The following AFDN variants were observed in gnomAD, a reference collection of about 807,000 sequenced individuals.
AFDN encodes the protein afadin, adherens junction formation factor.
In AFDN, 68 loss-of-function variants were observed where a neutral mutation model predicts 216.6. That is an observed-to-expected ratio of 0.31 (90% confidence interval 0.26 to 0.38). The LOEUF (loss-of-function observed/expected upper bound fraction) is 0.38, where lower values mean the gene tolerates loss of function less well. Ranked by LOEUF, AFDN falls within the 10% of genes least tolerant of loss-of-function variation. The pLI is 1.00. For missense variants in AFDN, 2,136 were observed against 2,342.0 expected (o/e 0.91, Z 1.82); for synonymous variants, 868 against 853.7 (o/e 1.02, Z -0.29).
At chr6:167,964,958 G>A (rs775088883) in intron 31 of AFDN, 86 of 1,054,710 alleles carry the variant, frequency 8.2e-5, no homozygotes, top group Non-Finnish European at 9.3e-5. Flanking sequence ...GTCAACTGTA[G>A]TTTGTGCAGA....
At chr6:167,964,614 CTGTGTGTGTGTGTGTGTGTGTGTGTGTG>C (rs369928994) in intron 31 of AFDN, 13 of 960,086 alleles carry the variant, frequency 1.4e-5, no homozygotes, top group Admixed American at 5.9e-5. Flanking sequence ...CGTATTCACT[CTGTGTGTGTGTGTGTGTGTGTGTGTGTG>C]TGTGTGTGTG....
chr6:167,950,707 AACAC>A (rs1404941934), intron 29 of AFDN, among the ~76,000 whole-genome samples: 1 of 152,184 alleles, frequency 6.6e-6, no homozygotes, highest in Non-Finnish European at 1.5e-5. Flanking sequence ...ATTATGAATA[AACAC>A]ACTCATTGCT....
At chr6:167,876,090 G>T (rs1320637551) in intron 5 of AFDN, among the ~76,000 whole-genome samples, 2 of 152,168 alleles carry the variant, frequency 1.3e-5, no homozygotes, top group Non-Finnish European at 2.9e-5. Flanking sequence ...CACATTGAAT[G>T]CATGGTCACT....
At chr6:167,954,358 A>G (rs1054519730) in intron 30 of AFDN, 2 of 874,500 alleles carry the variant, frequency 2.3e-6, no homozygotes, top group Non-Finnish European at 3.4e-6. Flanking sequence ...ATGACGCATG[A>G]TAGTGAGAAA....
chr6:167,962,635 A>G lies in AFDN; in HGVS notation c.4968+68A>G. On this transcript the variant is annotated intron_variant, in intron 31 of 33. Transcript: ENST00000683244. This position sits in a 1 kb window ranked among gnomAD's most constrained non-coding sequence, Gnocchi z 5.2. The stretch of plus-strand genomic sequence containing the variant: ...CTGAACGTAATCGATTGGCTGGGGC[A>G]GAGCGGGCTGGAAGTTCTGTGTTTC... 1 of 1,604,454 alleles carries G rather than the reference A, an allele frequency of 6.2e-7. No homozygotes were observed. The highest frequency in any genetic ancestry group is 8.5e-7 in the Non-Finnish European group (1 of 1,172,394).
chr6:167,929,392 A>G (rs570104532), intron 23 of AFDN, among the ~76,000 whole-genome samples: 1 of 152,348 alleles, frequency 6.6e-6, no homozygotes, highest in African/African-American at 2.4e-5. Context: ...AAGGTTAGGT[A>G]CATACAGTCA....
chr6:167,968,504 T>C (rs116828474), intron 32 of AFDN: 5,286 of 152,634 alleles, frequency 0.035, 104 homozygotes, highest in African/African-American at 0.046. Context: ...GTGGCCTGTT[T>C]AATCCAATAT....
chr6:167,963,983 G>A, intron 31 of AFDN: 1 of 1,064,782 alleles, frequency 9.4e-7, no homozygotes, highest in Non-Finnish European at 1.1e-6. Context: ...GCTGGGCCCA[G>A]TCCTGGCCAC....
rs540066001 is a variant in AFDN at position 167,955,836 on chromosome 6, G to A, written c.4833+3649G>A. On this transcript the variant is annotated intron_variant, in intron 30 of 33. Coordinates refer to ENST00000683244, the MANE Select transcript of AFDN (RefSeq NM_001386888.1). ...ACCTCATTATTTATAAAATTCTTGG[G>A]TGGGCACAGTGGTTCATGCCTGTAA... Among the ~76,000 whole-genome samples the A allele has an allele frequency of 2.0e-5, 3 of 152,062 alleles. No homozygotes were observed. In the South Asian group the frequency reaches 6.2e-4, roughly 32 times the overall value.
intron 11 of AFDN, among the ~76,000 whole-genome samples, chr6:167,899,975 A>G (rs1359840498): frequency 6.6e-6 from 1 of 152,038 alleles, no homozygotes. Flanking sequence ...ACAATCTCCT[A>G]CTGTATTTTT....
At position 167,951,044 on chromosome 6, in the gene AFDN, C is replaced by T; in HGVS notation, c.3832-142C>T. ...AAATGCACTGTTACTCCACATTAGCCAATGAGCCTTGTAGGGCAGTCTCAG... is the reference window on the plus strand; with the variant it reads ...AAATGCACTGTTACTCCACATTAGCTAATGAGCCTTGTAGGGCAGTCTCAG... On this transcript the variant is annotated intron_variant, in intron 29 of 33. Transcript: ENST00000683244. This position sits in a 1 kb window ranked among gnomAD's most constrained non-coding sequence, Gnocchi z 7.1. The T allele has an allele frequency of 7.9e-7, 1 of 1,260,208 alleles. No individual in the cohort carries two copies. Among genetic ancestry groups the T allele is most frequent in the Non-Finnish European group, 1.1e-6 (1 of 952,220 alleles). The allele number at this position is 1,260,208 out of a possible 1,614,324, so 78.1% of individuals were successfully genotyped here.
intron 1 of AFDN, among the ~76,000 whole-genome samples, chr6:167,863,413 A>G (rs1339358221): frequency 5.9e-5 from 9 of 152,260 alleles, no homozygotes; most frequent in Non-Finnish European, 1.3e-4. Flanking sequence ...GAAAGGCTTC[A>G]TTCAGTGTGA....
chr6:167,958,451 T>G (rs920355829), intron 30 of AFDN, among the ~76,000 whole-genome samples: 1 of 152,224 alleles, frequency 6.6e-6, no homozygotes, highest in Non-Finnish European at 1.5e-5. Context: ...AACACTGTAG[T>G]GGCAGGAACC....
chr6:167,860,159 C>CTTTTTTTTTT (rs370176215), intron 1 of AFDN, among the ~76,000 whole-genome samples: 2 of 79,366 alleles, frequency 2.5e-5, no homozygotes, highest in African/African-American at 9.5e-5. Flanking sequence ...TACAGCAATG[C>CTTTTTTTTTT]TTTTTTTTTT....
intron 30 of AFDN, among the ~76,000 whole-genome samples, chr6:167,956,753 C>T (rs1376441057): frequency 1.3e-5 from 2 of 152,160 alleles, no homozygotes; most frequent in Non-Finnish European, 2.9e-5. Flanking sequence ...ATGCATGACC[C>T]CCTTTTTTCT....
intron 4 of AFDN, among the ~76,000 whole-genome samples, chr6:167,874,283 ATCATCTTGTTTATGGGGTGATAAAT>A (rs1431558022): frequency 6.6e-6 from 1 of 152,202 alleles, no homozygotes; most frequent in Non-Finnish European, 1.5e-5. Flanking sequence ...CGCTCTATTT[ATCATCTTGTTTATGGGGTGATAAAT>A]TATTTAACTT....
At chr6:167,839,597 A>G (rs1398845900) in intron 1 of AFDN, among the ~76,000 whole-genome samples, 1 of 152,168 alleles carries the variant, frequency 6.6e-6, no homozygotes, top group African/African-American at 2.4e-5. Context: ...GGGAGCGGTA[A>G]CTGGCACTGA....
chr6:167,885,534 C>T (rs893151920), intron 6 of AFDN, among the ~76,000 whole-genome samples: 1 of 152,172 alleles, frequency 6.6e-6, no homozygotes, highest in Non-Finnish European at 1.5e-5. Flanking sequence ...ACATTCAGAA[C>T]ACACACACTT....
chr6:167,840,263 C>T (rs754937544), intron 1 of AFDN, among the ~76,000 whole-genome samples: 6 of 152,188 alleles, frequency 3.9e-5, no homozygotes, highest in Non-Finnish European at 7.3e-5. Context: ...TGAATCTGTG[C>T]GCAGACATGT....
Sources: gnomAD v4.1 joint callset for allele counts (sites outside exome capture counted in the v4.1 genomes callset) on GRCh38, gnomAD v4.1.1 for gene constraint, Gnocchi (gnomAD v3.1) non-coding constraint, MANE v1.5 for transcripts, NCBI Gene and HGNC (gene_info 2026-07-23, HGNC 2026-07-21) for gene names.